The following KLF8 variants were observed in gnomAD, a reference collection of about 807,000 sequenced individuals.
The protein encoded by KLF8 is KLF transcription factor 8, also known as Krueppel-like factor 8.
KLF8 carries 10 observed loss-of-function variants against 18.2 expected under a neutral mutation model. That is an observed-to-expected ratio of 0.55 (90% CI 0.34 to 0.93). KLF8 has a LOEUF of 0.93. Ranked by LOEUF, KLF8 falls within the 40% of genes least tolerant of loss-of-function variation. The probability of loss-of-function intolerance (pLI) is 0.02; values close to 1 mark genes in which losing one functional copy is unlikely to be tolerated. For synonymous variants in KLF8, 109 were observed against 97.3 expected (o/e 1.12, Z -0.71); for missense variants, 264 against 277.9 (o/e 0.95, Z 0.36).
the KLF8 span, among the ~76,000 whole-genome samples, chrX:56,040,529 A>G: frequency 1.8e-5 from 2 of 111,812 alleles, no homozygotes; most frequent in Admixed American, 1.9e-4. Flanking sequence ...AATCACATTT[A>G]TTGATTTATG....
At chrX:55,996,486 G>A in the KLF8 span, among the ~76,000 whole-genome samples, 1 of 111,831 alleles carries the variant, frequency 8.9e-6, no homozygotes, top group East Asian at 2.8e-4. Flanking sequence ...TCATCTGTGT[G>A]GGATGATGTT....
the KLF8 span, among the ~76,000 whole-genome samples, chrX:56,118,037 G>A: frequency 9.0e-6 from 1 of 111,450 alleles, no homozygotes; most frequent in African/African-American, 3.3e-5. Flanking sequence ...ATTCCATTCC[G>A]TGAGGGCAGA....
the KLF8 span, among the ~76,000 whole-genome samples, chrX:55,989,895 T>C: frequency 9.0e-6 from 1 of 111,543 alleles, no homozygotes; most frequent in Admixed American, 9.5e-5. Context: ...GTTATTGGTC[T>C]ATTCAGAGAT....
chrX:55,931,918 G>A, the KLF8 span, among the ~76,000 whole-genome samples: 1 of 109,659 alleles, frequency 9.1e-6, no homozygotes, highest in African/African-American at 3.3e-5. Context: ...GTCCTGAATA[G>A]CCTTGGTAAT....
At chrX:55,946,007 C>T in the KLF8 span, among the ~76,000 whole-genome samples, 1 of 111,748 alleles carries the variant, frequency 8.9e-6, no homozygotes, top group Non-Finnish European at 1.9e-5. Flanking sequence ...AATGGAAGAA[C>T]ATTCCACGCT....
the KLF8 span, among the ~76,000 whole-genome samples, chrX:56,184,707 C>T: frequency 3.6e-5 from 4 of 111,588 alleles, no homozygotes; most frequent in Non-Finnish European, 3.8e-5. Context: ...CAGCAGCATT[C>T]GTGGTTCATG....
chrX:56,242,740 G>A (rs1366128725), intron 1 of KLF8, among the ~76,000 whole-genome samples: 1 of 111,584 alleles, frequency 9.0e-6, no homozygotes, highest in Non-Finnish European at 1.9e-5. Context: ...TGTGCTGCCA[G>A]CCTTCATTTA....
At chrX:56,056,516 G>A in the KLF8 span, among the ~76,000 whole-genome samples, 1 of 106,248 alleles carries the variant, frequency 9.4e-6, no homozygotes. Context: ...GGATGAAACT[G>A]GAAACCATCA....
the KLF8 span, among the ~76,000 whole-genome samples, chrX:56,023,747 T>A: frequency 9.0e-6 from 1 of 111,677 alleles, no homozygotes; most frequent in Non-Finnish European, 1.9e-5. Context: ...GCATTCTTAT[T>A]GCTTTTATGG....
chrX:56,264,352 G>A (rs759215501), intron 2 of KLF8, among the ~76,000 whole-genome samples: 174 of 99,515 alleles, frequency 1.7e-3, no homozygotes, highest in African/African-American at 6.4e-3. Context: ...TGTATTTATT[G>A]GTTTTTTAAA....
At chrX:56,007,506 T>C in the KLF8 span, among the ~76,000 whole-genome samples, 5 of 111,476 alleles carry the variant, frequency 4.5e-5, no homozygotes, top group African/African-American at 1.6e-4. Flanking sequence ...GGGGATCTCT[T>C]GCTTGCTTTT....
the KLF8 span, among the ~76,000 whole-genome samples, chrX:56,147,879 G>A: frequency 8.9e-6 from 1 of 111,934 alleles, no homozygotes; most frequent in Non-Finnish European, 1.9e-5. Context: ...TCAGGAGGCT[G>A]AGTCACAAGA....
upstream of KLF8, among the ~76,000 whole-genome samples, chrX:56,231,167 A>G (rs2066398020): frequency 9.0e-6 from 1 of 111,678 alleles, no homozygotes; most frequent in African/African-American, 3.3e-5. Context: ...ACAGCAGGTT[A>G]AAGGATGAGT....
chrX:55,985,499 A>G, the KLF8 span, among the ~76,000 whole-genome samples: 1 of 111,542 alleles, frequency 9.0e-6, no homozygotes, highest in Non-Finnish European at 1.9e-5. Flanking sequence ...CTGTTTTTGT[A>G]CCAGTACCAT....
chrX:55,938,946 G>A, the KLF8 span, among the ~76,000 whole-genome samples: 1 of 111,844 alleles, frequency 8.9e-6, no homozygotes, highest in Non-Finnish European at 1.9e-5. Flanking sequence ...ACACCCCACT[G>A]TCAACATTAG....
the KLF8 span, among the ~76,000 whole-genome samples, chrX:56,174,102 G>A: frequency 9.0e-6 from 1 of 111,309 alleles, no homozygotes; most frequent in Admixed American, 9.7e-5. Context: ...TCTCCTTCCT[G>A]ATTGGCCTGG....
the KLF8 span, among the ~76,000 whole-genome samples, chrX:55,996,909 C>T: frequency 2.7e-5 from 3 of 112,085 alleles, no homozygotes; most frequent in Admixed American, 9.4e-5. Flanking sequence ...CACACACATG[C>T]GTGCTAGTGG....
chrX:56,169,954 G>T, the KLF8 span, among the ~76,000 whole-genome samples: 1 of 111,469 alleles, frequency 9.0e-6, no homozygotes, highest in African/African-American at 3.3e-5. Flanking sequence ...TGGGATGCTT[G>T]TGTCACCCCA....
the KLF8 span, among the ~76,000 whole-genome samples, chrX:56,173,354 G>A: frequency 1.1e-4 from 12 of 111,828 alleles, no homozygotes; most frequent in South Asian, 4.4e-3. Flanking sequence ...TGTTAAATAG[G>A]GAATTGTTTC....
Sources: allele counts gnomAD v4.1 joint callset (sites outside exome capture counted in the v4.1 genomes callset), GRCh38; gene constraint gnomAD v4.1.1; transcripts MANE v1.5; gene names NCBI Gene and HGNC (gene_info 2026-07-23, HGNC 2026-07-21).